Variants in TPRX1 observed in about 807,000 individuals in gnomAD.
The protein encoded by TPRX1 is tetra-peptide repeat homeobox protein 1.
A neutral mutation model predicts 8.1 loss-of-function variants in TPRX1; 2 were observed. The observed-to-expected ratio is 0.25, with a 90% CI of 0.10 to 0.78. The LOEUF is 0.78. Among genes scored for constraint, TPRX1 ranks in the 30% least tolerant of loss-of-function variants. TPRX1 has a pLI of 0.70. For synonymous variants in TPRX1, 257 were observed against 254.1 expected (o/e 1.01, Z -0.11); for missense variants, 517 against 586.9 (o/e 0.88, Z 1.23).
intron 2 of TPRX1, among the ~76,000 whole-genome samples, chr19:47,815,164 T>TATATATATGCATATATATATATATATATA (rs1228376903): frequency 2.0e-5 from 1 of 49,910 alleles, no homozygotes; most frequent in African/African-American, 8.0e-5. Flanking sequence ...ATATATATAT[T>TATATATATGCATATATATATATATATATA]TTTTTTTTTT....
intron 2 of TPRX1, among the ~76,000 whole-genome samples, chr19:47,815,164 T>TA (rs1228376903): frequency 0.021 from 1,023 of 49,532 alleles, 14 homozygotes; most frequent in African/African-American, 0.026. Flanking sequence ...ATATATATAT[T>TA]TTTTTTTTTT....
chr19:47,804,017 C>G (rs1215979966), intron 2 of TPRX1, among the ~76,000 whole-genome samples: 1 of 150,814 alleles, frequency 6.6e-6, no homozygotes, highest in Non-Finnish European at 1.5e-5. Flanking sequence ...CGCCACCTGC[C>G]CAGTCCTCTG....
intron 3 of TPRX1, among the ~76,000 whole-genome samples, chr19:47,803,187 T>G (rs537431143): frequency 1.6e-3 from 220 of 135,020 alleles, no homozygotes; most frequent in East Asian, 4.2e-3. Flanking sequence ...TGGGGTGGGA[T>G]GGGAGGAGCG....
Position 47,818,386 on chromosome 19 carries a change from C to CA in TPRX1, c.151+81_151+82insT, listed in dbSNP as rs1967869825. On this transcript the variant is annotated intron_variant, in intron 2 of 3. Coordinates refer to ENST00000535759, the Ensembl canonical transcript of TPRX1. ...CATCCATCATCCATCACCCATCCATCCCTCCATCCATCCATCCATCCATCC... is the reference window on the plus strand; with the variant it reads ...CATCCATCATCCATCACCCATCCATCACCTCCATCCATCCATCCATCCATCC... The CA allele has an allele frequency of 6.0e-5, 25 of 419,072 alleles. 1 individual carries two copies. Among genetic ancestry groups the CA allele is most frequent in the Admixed American group, 4.1e-4 (16 of 39,004 alleles). The allele number at this position is 419,072 out of a possible 1,614,324, so 26.0% of individuals were successfully genotyped here. A position where few individuals can be genotyped will look rare whatever the true frequency, so the allele number is the denominator to read the frequency against.
chr19:47,801,430 C>A, exon 4 of TPRX1: 2 of 219,010 alleles, frequency 9.1e-6, no homozygotes, highest in Non-Finnish European at 1.8e-5. Flanking sequence ...ATTGGATCGA[C>A]AAACATTAAA....
intron 2 of TPRX1, among the ~76,000 whole-genome samples, chr19:47,814,052 C>T (rs1967809625): frequency 7.0e-6 from 1 of 143,868 alleles, no homozygotes. Flanking sequence ...AGGGTGCCAA[C>T]ATTGCTGATT....
intron 3 of TPRX1, among the ~76,000 whole-genome samples, 192 bp downstream of exon 2, chr19:47,803,312 C>G (rs1467531254): frequency 2.0e-5 from 3 of 151,706 alleles, no homozygotes; most frequent in Non-Finnish European, 4.4e-5. Context: ...ACAGCCTGGG[C>G]CGATCATGTG....
rs779175917 is a variant in TPRX1 at position 47,801,855 on chromosome 19, G to A, written c.1447C>T (p.His483Tyr). 9 of 1,614,030 alleles carry A rather than the reference G, an allele frequency of 5.6e-6. No individual in the cohort carries two copies. In the African/African-American group the frequency reaches 1.1e-4, roughly 19 times the overall value. ...TCCTCTTGGGGCTGAGACCCTGAGT[G>A]TTTTTTGCCCATAGAGTCATCCCCT... Residue 483 changes from histidine (H) to tyrosine (Y), a missense_variant, in exon 4 of 4, where the codon CAC (histidine) becomes TAC (tyrosine). Coordinates refer to ENST00000535759, the Ensembl canonical transcript of TPRX1.
intron 2 of TPRX1, among the ~76,000 whole-genome samples, chr19:47,804,832 T>C (rs1443544178): frequency 3.3e-5 from 5 of 152,196 alleles, no homozygotes; most frequent in East Asian, 1.9e-4. Context: ...CGGGTTTGGT[T>C]GGGGGAGTCA....
chr19:47,818,588 A>G, intron 1 of TPRX1: 1 of 456,034 alleles, frequency 2.2e-6, no homozygotes, highest in Non-Finnish European at 4.4e-6. Flanking sequence ...TTTGCAAAAG[A>G]TTAAATAGGA....
chr19:47,812,392 T>C (rs1233832498), intron 2 of TPRX1, among the ~76,000 whole-genome samples: 2 of 148,404 alleles, frequency 1.3e-5, no homozygotes, highest in Admixed American at 1.3e-4. Flanking sequence ...AGGCCAGGAG[T>C]TCGAGACCAG....
chr19:47,803,826 C>G (rs528670890), intron 2 of TPRX1, 153 bp from the exon 2 acceptor site: 9 of 483,926 alleles, frequency 1.9e-5, no homozygotes, highest in Non-Finnish European at 3.4e-5. Context: ...GACCTTGCAC[C>G]TCTCTGGGCC....
Position 47,810,984 on chromosome 19 carries a change from T to G in TPRX1, c.152-7311A>C, listed in dbSNP as rs1320607614. Among the ~76,000 whole-genome samples, 4 of 149,418 alleles carry G rather than the reference T, an allele frequency of 2.7e-5. No homozygotes were observed. The Admixed American group carries it at 2.7e-4, about 10-fold the overall frequency. On this transcript the variant is annotated intron_variant, in intron 2 of 3. Coordinates refer to ENST00000535759, the Ensembl canonical transcript of TPRX1. Reference sequence around the variant, plus strand: ...GACATTCATTCTTGAAACACTGTCCTTGCTCTCTGTTTTTTTTTTTTTTTA... The same window carrying G: ...GACATTCATTCTTGAAACACTGTCCGTGCTCTCTGTTTTTTTTTTTTTTTA...
At chr19:47,814,706 C>G (rs895817477) in intron 2 of TPRX1, among the ~76,000 whole-genome samples, 1 of 152,150 alleles carries the variant, frequency 6.6e-6, no homozygotes, top group Non-Finnish European at 1.5e-5. Context: ...GGAATCTTTG[C>G]AGAGTCCTGG....
intron 2 of TPRX1, among the ~76,000 whole-genome samples, chr19:47,816,894 C>G (rs1967849138): frequency 6.6e-6 from 1 of 152,224 alleles, no homozygotes; most frequent in Non-Finnish European, 1.5e-5. Context: ...GTTTTATACA[C>G]TGGTGGATTA....
chr19:47,814,658 C>T (rs1967815191), intron 2 of TPRX1, among the ~76,000 whole-genome samples: 1 of 151,872 alleles, frequency 6.6e-6, no homozygotes, highest in African/African-American at 2.4e-5. Flanking sequence ...CCTGAGGTTT[C>T]CTGAGCTGGG....
rs994842156 is a variant in TPRX1 at position 47,813,739 on chromosome 19, T to TG, written c.151+4728dup. Among the ~76,000 whole-genome samples, 4 of 152,102 alleles carry TG rather than the reference T, an allele frequency of 2.6e-5. No homozygotes were observed. In the South Asian group the frequency reaches 8.3e-4, roughly 32 times the overall value. On this transcript the variant is annotated intron_variant, in intron 2 of 3. Transcript: ENST00000535759. ...AGCAGAAGGAGTTTTCATTATATCCTGGCAGTCTGTCCCCCAACCCCCAAA... is the reference window on the plus strand; with the variant it reads ...AGCAGAAGGAGTTTTCATTATATCCTGGGCAGTCTGTCCCCCAACCCCCAAA...
At chr19:47,806,907 AT>A (rs944832239) in intron 2 of TPRX1, among the ~76,000 whole-genome samples, 34 of 147,788 alleles carry the variant, frequency 2.3e-4, no homozygotes, top group Non-Finnish European at 2.1e-4. Flanking sequence ...AGACGATTTA[AT>A]TTTTTTTTTT....
intron 2 of TPRX1, among the ~76,000 whole-genome samples, chr19:47,808,074 C>G (rs1967750548): frequency 6.6e-6 from 1 of 151,974 alleles, no homozygotes. Flanking sequence ...GGACTACAGG[C>G]AAGTACCACC....
Sources: allele counts gnomAD v4.1 joint callset (sites outside exome capture counted in the v4.1 genomes callset), GRCh38; gene constraint gnomAD v4.1.1; transcripts MANE v1.5; gene names NCBI Gene and HGNC (gene_info 2026-07-23, HGNC 2026-07-21).